ADAMTS3: variants seen among roughly 807,000 people sequenced by gnomAD.
ADAMTS3 encodes A disintegrin and metalloproteinase with thrombospondin motifs 3.
ADAMTS3 carries 73 observed loss-of-function variants against 129.0 expected under a neutral mutation model. The observed-to-expected ratio is 0.57, with a 90% CI of 0.47 to 0.69. The LOEUF is 0.69. ADAMTS3 is among the 30% of genes least tolerant of loss of function. The pLI, the probability that ADAMTS3 is intolerant of heterozygous loss-of-function variation, is 0.00. For missense variants in ADAMTS3, 1,457 were observed against 1,514.5 expected, an observed-to-expected ratio of 0.96 and a Z score of 0.63; for synonymous variants, 477 against 510.8, an observed-to-expected ratio of 0.93 and a Z score of 0.89.
At position 72,290,866 on chromosome 4, in the gene ADAMTS3, G is replaced by A. The variant is rs140555414; in HGVS notation, c.2920C>T (p.Pro974Ser). The A allele has an allele frequency of 1.2e-6, 2 of 1,613,804 alleles. No individual in the cohort carries two copies. The highest frequency in any genetic ancestry group is 2.2e-5 in the South Asian group (2 of 91,062). ...ATTCACACACCTACCTCACTCCAGG[G>A]TCCTGTTTTCCACTGTGCAGGGCAG... Reference protein sequence around the residue: ...VPCPAQWKTGPWSECSVTCGE... With the variant: ...VPCPAQWKTGSWSECSVTCGE... The change falls in exon 20 of 22, where the codon CCC becomes TCC. Residue 974 changes from proline (P) to serine (S), a missense_variant. Pro to Ser is a moderately conservative substitution (Grantham distance 74, BLOSUM62 -1). Transcript: ENST00000286657.
At chr4:72,381,648 T>G (rs1721291028) in intron 4 of ADAMTS3, among the ~76,000 whole-genome samples, 1 of 152,134 alleles carries the variant, frequency 6.6e-6, no homozygotes, top group African/African-American at 2.4e-5. Context: ...ATCTATAAGA[T>G]ATACAGGAAC....
intron 3 of ADAMTS3, among the ~76,000 whole-genome samples, chr4:72,439,825 T>C (rs554706043): frequency 6.6e-6 from 1 of 151,300 alleles, no homozygotes; most frequent in African/African-American, 2.4e-5. Context: ...AATCATTTTA[T>C]TAAAAAGTGT....
chr4:72,334,658 C>T (rs973276392), intron 5 of ADAMTS3, among the ~76,000 whole-genome samples: 2 of 152,072 alleles, frequency 1.3e-5, no homozygotes. Context: ...ACATGGCAGA[C>T]GATGGGTCAG....
chr4:72,544,259 A>G (rs1310731690), intron 3 of ADAMTS3, among the ~76,000 whole-genome samples: 1 of 152,158 alleles, frequency 6.6e-6, no homozygotes, highest in African/African-American at 2.4e-5. Flanking sequence ...AAAAAGCCAA[A>G]TTGATTTTTC....
intron 3 of ADAMTS3, among the ~76,000 whole-genome samples, chr4:72,495,201 T>C (rs913093076): frequency 3.3e-5 from 5 of 152,058 alleles, no homozygotes; most frequent in Admixed American, 6.6e-5. Flanking sequence ...CTTGGAACCA[T>C]GGAATGGGCA....
chr4:72,545,076 A>G (rs762606184), intron 3 of ADAMTS3, among the ~76,000 whole-genome samples: 7 of 152,066 alleles, frequency 4.6e-5, no homozygotes, highest in Non-Finnish European at 8.8e-5. Flanking sequence ...TAAATTTGAA[A>G]ACTCTTTTTT....
chr4:72,550,961 C>T (rs1518476), intron 2 of ADAMTS3, among the ~76,000 whole-genome samples: 106,262 of 151,896 alleles, frequency 0.7, 37,342 homozygotes, highest in South Asian at 0.76. Context: ...GGGTGTCTTG[C>T]CAGTTGAATT....
chr4:72,290,412 G>A (rs564779885), intron 20 of ADAMTS3, among the ~76,000 whole-genome samples: 5 of 152,112 alleles, frequency 3.3e-5, no homozygotes, highest in Non-Finnish European at 5.9e-5. Context: ...AGGAGGGGGA[G>A]TACAAGTCAG....
chr4:72,306,037 C>T lies in ADAMTS3; in HGVS notation c.2210G>A (p.Gly737Glu), dbSNP rs780330580. The change falls in exon 16 of 22, where the codon GGG becomes GAG. Residue 737 changes from glycine to glutamate, a missense_variant. By Grantham distance (98) the Gly-to-Glu change is moderately conservative. Coordinates refer to ENST00000286657, the MANE Select transcript of ADAMTS3 (RefSeq NM_014243.3). ...GYLKMFDIPP[G>E]ARHVLIQEDE... is the part of the protein sequence containing the mutation. ...TTCTTGGATTAACACATGTCTAGCC[C>T]CAGGGGGTATATCAAACATCTTAAG... 3.7e-6 allele frequency: 6 copies of T among 1,609,612 alleles called. No individual in the cohort carries two copies. The highest frequency in any genetic ancestry group is 5.1e-6 in the Non-Finnish European group (6 of 1,177,968).
At chr4:72,295,144 C>A (rs1467307038) in intron 19 of ADAMTS3, among the ~76,000 whole-genome samples, 1 of 151,806 alleles carries the variant, frequency 6.6e-6, no homozygotes, top group Non-Finnish European at 1.5e-5. Flanking sequence ...AAGAAAGAAA[C>A]CATAATAATC....
chr4:72,539,633 T>A (rs1038077017), intron 3 of ADAMTS3, among the ~76,000 whole-genome samples: 3 of 152,058 alleles, frequency 2.0e-5, no homozygotes, highest in African/African-American at 7.2e-5. Context: ...CAAAATCTCA[T>A]CTTGAACTGT....
intron 3 of ADAMTS3, among the ~76,000 whole-genome samples, chr4:72,497,277 A>G (rs1719895929): frequency 6.6e-6 from 1 of 152,052 alleles, no homozygotes; most frequent in Non-Finnish European, 1.5e-5. Flanking sequence ...ACACTACCAC[A>G]AAATCCAGAA....
chr4:72,420,932 T>C (rs992269240), intron 3 of ADAMTS3, among the ~76,000 whole-genome samples: 1 of 150,730 alleles, frequency 6.6e-6, no homozygotes, highest in Non-Finnish European at 1.5e-5. Context: ...GAATTGTAAT[T>C]AAGAAAAAAA....
chr4:72,433,336 A>G (rs773449967), intron 3 of ADAMTS3, among the ~76,000 whole-genome samples: 4 of 151,960 alleles, frequency 2.6e-5, no homozygotes, highest in Non-Finnish European at 5.9e-5. Context: ...CTCATCTCGT[A>G]TCTTGAGCTT....
intron 3 of ADAMTS3, among the ~76,000 whole-genome samples, chr4:72,520,991 C>T (rs1720656885): frequency 6.6e-6 from 1 of 151,810 alleles, no homozygotes; most frequent in African/African-American, 2.4e-5. Context: ...TGGGCTCCTC[C>T]CCACTTTTTT....
chr4:72,460,567 T>C lies in ADAMTS3; in HGVS notation c.505-45596A>G, dbSNP rs187425458. 2.5e-3 allele frequency among the ~76,000 whole-genome samples: 380 copies of C among 151,424 alleles called. 1 individual carries two copies. The highest frequency in any genetic ancestry group is 4.1e-3 in the Non-Finnish European group (276 of 67,602). On this transcript the variant is annotated intron_variant, in intron 3 of 21. Transcript: ENST00000286657. ...AATGCATAATTTATTTTTAAAAATA[T>C]ATTAATAAAAGTCATAAATATGCTA... is the stretch of plus-strand genomic sequence containing the variant.
At position 72,519,620 on chromosome 4, in the gene ADAMTS3, T is replaced by A. The variant is rs551259532; in HGVS notation, c.504+28858A>T. Among the ~76,000 whole-genome samples the A allele has an allele frequency of 2.0e-5, 3 of 152,348 alleles. No homozygotes were observed. In the East Asian group the frequency reaches 5.8e-4, roughly 29 times the overall value. ...CCGTCACTGATACCCTTTCTTCCAG[T>A]TGATTGCATCGGCTCCTGAGGCTTC... On this transcript the variant is annotated intron_variant, in intron 3 of 21. Transcript: ENST00000286657.
chr4:72,436,268 C>A (rs1717915994), intron 3 of ADAMTS3, among the ~76,000 whole-genome samples: 1 of 152,162 alleles, frequency 6.6e-6, no homozygotes, highest in South Asian at 2.1e-4. Context: ...TTCATCATCA[C>A]TGGCCATCAG....
intron 2 of ADAMTS3, among the ~76,000 whole-genome samples, chr4:72,553,631 A>G (rs1721695158): frequency 6.6e-6 from 1 of 152,072 alleles, no homozygotes; most frequent in African/African-American, 2.4e-5. Flanking sequence ...TCCCTGGTGG[A>G]GAAGAGTGAA....
Sources: allele counts gnomAD v4.1 joint callset (sites outside exome capture counted in the v4.1 genomes callset), GRCh38; gene constraint gnomAD v4.1.1; transcripts MANE v1.5; gene names NCBI Gene and HGNC (gene_info 2026-07-23, HGNC 2026-07-21).